Variants in ZNF503 observed in about 807,000 individuals in gnomAD.
ZNF503 encodes the protein zinc finger protein 503, also known as NocA-like zinc finger 2.
ZNF503 carries 15 observed loss-of-function variants against 34.4 expected under a neutral mutation model. The ratio of observed to expected loss-of-function variants is 0.44; its 90% CI spans 0.29 to 0.67. ZNF503 has a LOEUF of 0.67. ZNF503 is among the 30% of genes least tolerant of loss of function. The pLI is 0.13. For synonymous variants in ZNF503, 580 were observed against 456.8 expected, an observed-to-expected ratio of 1.27 and a Z score of -3.44; for missense variants, 1,007 against 926.8, an observed-to-expected ratio of 1.09 and a Z score of -1.12.
the ZNF503 span, among the ~76,000 whole-genome samples, chr10:75,311,321 T>A: frequency 4.6e-5 from 7 of 152,174 alleles, no homozygotes; most frequent in Non-Finnish European, 7.4e-5. Flanking sequence ...TGGGTCTGCC[T>A]TTCCCACTCC....
Position 75,399,711 on chromosome 10 carries a change from T to A in ZNF503, c.979A>T (p.Thr327Ser). 6.3e-7 allele frequency: 1 copy of A among 1,598,318 alleles called. No homozygotes were observed. ...CCAGAGCCCAACACTGAGGAGGAGG[T>A]GGGCGCGCTGGGGCCGGAGCCGGAG... The part of the protein sequence containing the change: ...SSSGSGPSAP[T>S]SSSVLGSGLV... The change falls in exon 2 of 2, where the codon ACC (threonine) becomes TCC (serine). Residue 327 changes from threonine (T) to serine (S), a missense_variant. Coordinates refer to ENST00000372524, the MANE Select transcript of ZNF503 (RefSeq NM_032772.6).
the ZNF503 span, among the ~76,000 whole-genome samples, chr10:75,304,022 T>G: frequency 6.6e-6 from 1 of 151,948 alleles, no homozygotes; most frequent in Non-Finnish European, 1.5e-5. Flanking sequence ...TTAGTAGAGA[T>G]GGGGTTTCAC....
chr10:75,389,047 C>A, the ZNF503 span, among the ~76,000 whole-genome samples: 9 of 152,182 alleles, frequency 5.9e-5, no homozygotes, highest in Admixed American at 5.9e-4. Flanking sequence ...GGCTTAAGAA[C>A]TGCTGATGTG....
At chr10:75,372,430 A>G in the ZNF503 span, among the ~76,000 whole-genome samples, 1 of 152,168 alleles carries the variant, frequency 6.6e-6, no homozygotes, top group Non-Finnish European at 1.5e-5. Flanking sequence ...TACTCCACTA[A>G]AGGGCCAGGC....
chr10:75,285,769 C>G, the ZNF503 span, among the ~76,000 whole-genome samples: 1 of 152,168 alleles, frequency 6.6e-6, no homozygotes, highest in African/African-American at 2.4e-5. Context: ...GGAGAGGACC[C>G]AAGGGGTCCT....
chr10:75,360,312 G>A, the ZNF503 span, among the ~76,000 whole-genome samples: 1 of 151,690 alleles, frequency 6.6e-6, no homozygotes, highest in African/African-American at 2.4e-5. Context: ...TTTTTTAGTA[G>A]AGATGGGGTT....
At position 75,400,061 on chromosome 10, in the gene ZNF503, G is replaced by A; in HGVS notation, c.629C>T (p.Ser210Leu). Residue 210 changes from serine (S) to leucine (L), a missense_variant, in exon 2 of 2, where the codon TCG becomes TTG. Transcript: ENST00000372524. ...GGTGGCGCTCGGTACCCGGAATCCC[G>A]ACTTCTCCGACGAAACACCCCCGCC... ...GGGGGVSSEK[S>L]GFRVPSATCQ... The A allele has an allele frequency of 6.3e-7, 1 of 1,576,830 alleles. No individual in the cohort carries two copies. Among genetic ancestry groups the A allele is most frequent in the South Asian group, 1.2e-5 (1 of 86,816 alleles).
intron 1 of ZNF503, 24 bp from the exon 2 acceptor site, chr10:75,400,398 G>A (rs771113970): frequency 6.3e-7 from 1 of 1,587,762 alleles, no homozygotes; most frequent in Non-Finnish European, 8.6e-7. Context: ...CGATGGGGGG[G>A]GAGCGTCACA....
At chr10:75,400,576 T>G (rs922398506) in intron 1 of ZNF503, among the ~76,000 whole-genome samples, 2 of 151,756 alleles carry the variant, frequency 1.3e-5, no homozygotes, top group Admixed American at 6.6e-5. Context: ...AGCAGATTGC[T>G]CCCCCCGCCC....
At chr10:75,375,997 G>T in the ZNF503 span, among the ~76,000 whole-genome samples, 1 of 152,158 alleles carries the variant, frequency 6.6e-6, no homozygotes, top group Non-Finnish European at 1.5e-5. Context: ...GGTACTGCAC[G>T]TCACAAGGCA....
chr10:75,301,007 C>G, the ZNF503 span, among the ~76,000 whole-genome samples: 5 of 151,952 alleles, frequency 3.3e-5, no homozygotes, highest in Middle Eastern at 3.4e-3. Context: ...CCTGGCCTCT[C>G]TAATAACATT....
At chr10:75,352,276 C>T in the ZNF503 span, among the ~76,000 whole-genome samples, 1 of 152,218 alleles carries the variant, frequency 6.6e-6, no homozygotes, top group South Asian at 2.1e-4. Context: ...AGAGGCAAGG[C>T]CCTGCCCTCG....
Position 75,400,195 on chromosome 10 carries a change from G to A in ZNF503, c.495C>T (p.Ser165=), listed in dbSNP as rs1380727484. 4 of 1,594,168 alleles carry A rather than the reference G, an allele frequency of 2.5e-6. No individual in the cohort carries two copies. Among genetic ancestry groups the A allele is most frequent in the Non-Finnish European group, 3.4e-6 (4 of 1,172,066 alleles). Residue 165 remains serine (S), a synonymous_variant, in exon 2 of 2, where the codon AGC becomes AGT. Transcript: ENST00000372524. Reference sequence around the variant, plus strand: ...TCGACTTGTCCTCCACGCCGATGTCGCTCAGCTTCAGGGGGCCCGATTTGG... The same window carrying A: ...TCGACTTGTCCTCCACGCCGATGTCACTCAGCTTCAGGGGGCCCGATTTGG... ...KDTKSGPLKL[S]DIGVEDKSSF...
the ZNF503 span, among the ~76,000 whole-genome samples, chr10:75,331,366 T>C: frequency 6.6e-6 from 1 of 152,264 alleles, no homozygotes; most frequent in Admixed American, 6.5e-5. Context: ...TGGCTTTCTG[T>C]CTAGATGATT....
At chr10:75,342,723 A>G in the ZNF503 span, among the ~76,000 whole-genome samples, 1 of 152,034 alleles carries the variant, frequency 6.6e-6, no homozygotes. Context: ...GCTTTGATAC[A>G]CGAGTTGTCC....
At chr10:75,325,379 G>A in the ZNF503 span, among the ~76,000 whole-genome samples, 80 of 150,574 alleles carry the variant, frequency 5.3e-4, no homozygotes, top group African/African-American at 1.9e-3. Flanking sequence ...ATGCCAGAGT[G>A]TAGTAGCACA....
At chr10:75,366,826 C>T in the ZNF503 span, among the ~76,000 whole-genome samples, 40 of 152,352 alleles carry the variant, frequency 2.6e-4, no homozygotes, top group South Asian at 1.5e-3. Context: ...CTTCGTCCCG[C>T]GGGTGAGATA....
chr10:75,386,633 T>C, the ZNF503 span, among the ~76,000 whole-genome samples: 2 of 152,330 alleles, frequency 1.3e-5, no homozygotes, highest in Non-Finnish European at 2.9e-5. Flanking sequence ...GGTTTCTTTA[T>C]ATCCAGTCTC....
chr10:75,281,533 C>T, the ZNF503 span, among the ~76,000 whole-genome samples: 3 of 152,072 alleles, frequency 2.0e-5, no homozygotes, highest in East Asian at 1.9e-4. Flanking sequence ...ATGAGTACCA[C>T]GACTGGGGGA....
Sources: gnomAD v4.1 joint callset for allele counts (sites outside exome capture counted in the v4.1 genomes callset) on GRCh38, gnomAD v4.1.1 for gene constraint, MANE v1.5 for transcripts, NCBI Gene and HGNC (gene_info 2026-07-23, HGNC 2026-07-21) for gene names.